The following KPNA3 variants were observed in gnomAD, a reference collection of about 807,000 sequenced individuals.
KPNA3 encodes the protein importin subunit alpha-4.
KPNA3 carries 13 observed loss-of-function variants against 73.8 expected under a neutral mutation model. The ratio of observed to expected loss-of-function variants is 0.18; its 90% CI spans 0.11 to 0.28. KPNA3 has a LOEUF of 0.28. Ranked by LOEUF, KPNA3 falls within the 10% of genes least tolerant of loss-of-function variation. The probability of loss-of-function intolerance (pLI) is 1.00; values close to 1 mark genes in which losing one functional copy is unlikely to be tolerated. For missense variants in KPNA3, 360 were observed against 618.1 expected (o/e 0.58, Z 4.43); for synonymous variants, 186 against 206.9 (o/e 0.90, Z 0.87).
At chr13:49,779,316 T>A (rs1954922849) in intron 1 of KPNA3, among the ~76,000 whole-genome samples, 1 of 152,200 alleles carries the variant, frequency 6.6e-6, no homozygotes, top group Admixed American at 6.5e-5. Context: ...ACACCTTTCC[T>A]TCAAGTATTA....
At chr13:49,769,653 A>T (rs1566357798) in intron 1 of KPNA3, among the ~76,000 whole-genome samples, 2 of 152,228 alleles carry the variant, frequency 1.3e-5, no homozygotes, top group Admixed American at 1.3e-4. Context: ...CTGTATGGAC[A>T]TACCCCATTT....
chr13:49,744,320 C>A (rs909263322), intron 2 of KPNA3, among the ~76,000 whole-genome samples: 1 of 152,158 alleles, frequency 6.6e-6, no homozygotes. Flanking sequence ...ACCCAAAGAT[C>A]TGAAAGAACT....
chr13:49,749,562 G>A (rs1429334687), intron 1 of KPNA3, among the ~76,000 whole-genome samples: 1 of 152,136 alleles, frequency 6.6e-6, no homozygotes, highest in Non-Finnish European at 1.5e-5. Context: ...CCTAATCCTA[G>A]TCAGAACATT....
chr13:49,709,566 C>A lies in KPNA3; in HGVS notation c.1032+6G>T. The A allele has an allele frequency of 6.2e-7, 1 of 1,610,890 alleles. No homozygotes were observed. Among genetic ancestry groups the A allele is most frequent in the South Asian group, 1.1e-5 (1 of 90,800 alleles). Reference sequence around the variant, plus strand: ...AATAGCATAATGAGGACATTATATGCCTTACCTTATTTATCTTCTCTTTTG... The same window carrying A: ...AATAGCATAATGAGGACATTATATGACTTACCTTATTTATCTTCTCTTTTG... On this transcript the variant is annotated splice_donor_region_variant and intron_variant, in intron 12 of 16. Transcript: ENST00000261667.
At chr13:49,702,863 T>C (rs1419966290) in intron 15 of KPNA3, among the ~76,000 whole-genome samples, 4 of 152,198 alleles carry the variant, frequency 2.6e-5, no homozygotes, top group African/African-American at 7.2e-5. Flanking sequence ...ATAAATTTAC[T>C]AATCTATTTT....
At chr13:49,730,664 A>C (rs896831412) in intron 6 of KPNA3, among the ~76,000 whole-genome samples, 1 of 150,702 alleles carries the variant, frequency 6.6e-6, no homozygotes, top group African/African-American at 2.4e-5. Context: ...ACATGTGCAC[A>C]ATGTGCAGGT....
intron 10 of KPNA3, 56 bp from the exon 11 acceptor site, chr13:49,711,078 G>GT (rs1245931945): frequency 6.6e-7 from 1 of 1,514,296 alleles, no homozygotes; most frequent in Non-Finnish European, 8.9e-7. Flanking sequence ...TGCTTTACTT[G>GT]TTCAACACAC....
At chr13:49,777,792 T>G (rs1471614691) in intron 1 of KPNA3, among the ~76,000 whole-genome samples, 1 of 152,108 alleles carries the variant, frequency 6.6e-6, no homozygotes, top group Non-Finnish European at 1.5e-5. Context: ...ATTACGGGCA[T>G]GAGCCACATG....
At chr13:49,712,437 G>GA (rs539586463) in intron 10 of KPNA3, among the ~76,000 whole-genome samples, 15 of 147,772 alleles carry the variant, frequency 1.0e-4, no homozygotes, top group East Asian at 2.0e-4. Flanking sequence ...ATAGAAGGGG[G>GA]AAAAAAAAAT....
Position 49,732,795 on chromosome 13 carries a change from A to G in KPNA3, c.205-19T>C. 1 of 1,536,822 alleles carries G rather than the reference A, an allele frequency of 6.5e-7. No homozygotes were observed. The highest frequency in any genetic ancestry group is 8.9e-7 in the Non-Finnish European group (1 of 1,121,728). The stretch of plus-strand genomic sequence containing the variant: ...CATTTTGCTTAAAAAGAAAAAAAAA[A>G]TAGTTCAGCAGAGTTTATTAACAAA... On this transcript the variant is annotated intron_variant, in intron 3 of 16. Coordinates refer to ENST00000261667, the MANE Select transcript of KPNA3 (RefSeq NM_002267.4).
intron 11 of KPNA3, among the ~76,000 whole-genome samples, 181 bp from the exon 12 acceptor site, chr13:49,709,881 T>G (rs1954243681): frequency 7.0e-6 from 1 of 143,158 alleles, no homozygotes; most frequent in Non-Finnish European, 1.6e-5. Flanking sequence ...TGTGAAAAAC[T>G]GAAACTTTAT....
At chr13:49,757,881 C>T (rs892864762) in intron 1 of KPNA3, among the ~76,000 whole-genome samples, 2 of 152,136 alleles carry the variant, frequency 1.3e-5, no homozygotes, top group African/African-American at 2.4e-5. Flanking sequence ...AACATAAATA[C>T]TGTACGAGCA....
At chr13:49,791,935 C>G (rs1402451527) in intron 1 of KPNA3, among the ~76,000 whole-genome samples, 1 of 152,250 alleles carries the variant, frequency 6.6e-6, no homozygotes, top group East Asian at 1.9e-4. Context: ...CGGGCCGCCA[C>G]CGCCCGCCTG....
chr13:49,752,601 TTAGAAA>T (rs916780224), intron 1 of KPNA3, among the ~76,000 whole-genome samples: 4 of 151,942 alleles, frequency 2.6e-5, no homozygotes, highest in African/African-American at 9.7e-5. Flanking sequence ...CAAAAAAGAA[TTAGAAA>T]TAAAGCAAAA....
intron 11 of KPNA3, 69 bp downstream of exon 11, chr13:49,710,822 A>G: frequency 7.5e-7 from 1 of 1,340,554 alleles, no homozygotes. Flanking sequence ...ATTAAAGCCT[A>G]GCTGTACAAG....
At chr13:49,769,611 T>C (rs1013216316) in intron 1 of KPNA3, among the ~76,000 whole-genome samples, 4 of 152,238 alleles carry the variant, frequency 2.6e-5, no homozygotes, top group African/African-American at 9.6e-5. Flanking sequence ...GTATAAATAC[T>C]TTACTCCTTT....
intron 15 of KPNA3, among the ~76,000 whole-genome samples, chr13:49,703,183 C>CTTTTTTTTTTTT (rs35282756): frequency 9.2e-6 from 1 of 109,196 alleles, no homozygotes; most frequent in Non-Finnish European, 1.8e-5. Context: ...TTCTTTCTTT[C>CTTTTTTTTTTTT]TTTTTTTTTT....
intron 15 of KPNA3, among the ~76,000 whole-genome samples, chr13:49,703,354 G>A (rs930694952): frequency 5.4e-5 from 8 of 149,308 alleles, no homozygotes; most frequent in Admixed American, 3.3e-4. Context: ...CTAATTTTTT[G>A]TGTTTTTAGT....
chr13:49,710,039 G>T (rs1480252152), intron 11 of KPNA3, among the ~76,000 whole-genome samples: 3 of 152,148 alleles, frequency 2.0e-5, no homozygotes, highest in Admixed American at 6.5e-5. Context: ...AGGCGGGGGG[G>T]ATCACCTGAG....
Sources: allele counts gnomAD v4.1 joint callset (sites outside exome capture counted in the v4.1 genomes callset), GRCh38; gene constraint gnomAD v4.1.1; transcripts MANE v1.5; gene names NCBI Gene and HGNC (gene_info 2026-07-23, HGNC 2026-07-21).